Variants in AHCYL2 observed in about 807,000 individuals in gnomAD.
The protein encoded by AHCYL2 is S-adenosylhomocysteine hydrolase-like protein 2.
Under a neutral mutation model 81.4 loss-of-function variants are expected in AHCYL2, and 28 were observed. The ratio of observed to expected loss-of-function variants is 0.34; its 90% CI spans 0.25 to 0.47. AHCYL2 has a LOEUF of 0.47. Ranked by LOEUF, AHCYL2 falls within the 20% of genes least tolerant of loss-of-function variation. The pLI is 1.00. For synonymous variants in AHCYL2, 272 were observed against 290.2 expected, an observed-to-expected ratio of 0.94 and a Z score of 0.64; for missense variants, 551 against 785.1, an observed-to-expected ratio of 0.70 and a Z score of 3.56.
chr7:129,323,605 C>G (rs1798113624), intron 1 of AHCYL2, among the ~76,000 whole-genome samples: 1 of 150,410 alleles, frequency 6.6e-6, no homozygotes, highest in Non-Finnish European at 1.5e-5. Flanking sequence ...TCTTCTGTAT[C>G]TTTCCTGCTT....
intron 1 of AHCYL2, among the ~76,000 whole-genome samples, chr7:129,281,094 A>C (rs1013492522): frequency 6.6e-6 from 1 of 151,794 alleles, no homozygotes; most frequent in Admixed American, 6.6e-5. Context: ...CGATCTCCTG[A>C]CCTCATGATC....
intron 12 of AHCYL2, among the ~76,000 whole-genome samples, chr7:129,417,720 G>A (rs1356849172): frequency 6.6e-6 from 1 of 152,130 alleles, no homozygotes; most frequent in Non-Finnish European, 1.5e-5. Context: ...GAAATTCAAG[G>A]AAATATCAAA....
chr7:129,408,744 G>A (rs113055120), intron 10 of AHCYL2, among the ~76,000 whole-genome samples: 1 of 152,146 alleles, frequency 6.6e-6, no homozygotes, highest in East Asian at 1.9e-4. Flanking sequence ...ATAGAGAAAA[G>A]AATAAAGGCA....
chr7:129,264,581 A>G (rs902409419), intron 1 of AHCYL2, among the ~76,000 whole-genome samples: 2 of 152,244 alleles, frequency 1.3e-5, no homozygotes, highest in Admixed American at 1.3e-4. Flanking sequence ...AAGCAAGCTA[A>G]AAAGAAGTCA....
At chr7:129,242,489 G>A (rs1794897261) in intron 1 of AHCYL2, among the ~76,000 whole-genome samples, 1 of 152,096 alleles carries the variant, frequency 6.6e-6, no homozygotes, top group Non-Finnish European at 1.5e-5. Context: ...AGGCCAAGGG[G>A]GGCGGATCAC....
intron 1 of AHCYL2, among the ~76,000 whole-genome samples, chr7:129,342,700 G>GTCTT (rs1793226899): frequency 6.6e-6 from 1 of 152,150 alleles, no homozygotes; most frequent in African/African-American, 2.4e-5. Context: ...CAAAGTGGTA[G>GTCTT]ACCTTATTTT....
In AHCYL2 at chr7:129,389,345, CACTG is replaced by C. The variant is rs889560152; in HGVS notation, c.619+147_619+150del. The C allele has an allele frequency of 4.9e-6, 4 of 813,580 alleles. No homozygotes were observed. In the African/African-American group the frequency reaches 8.3e-5, roughly 17 times the overall value. The allele number at this position is 813,580 out of a possible 1,614,324, so 50.4% of individuals were successfully genotyped here. On this transcript the variant is annotated intron_variant, in intron 3 of 16. Coordinates refer to ENST00000325006, the MANE Select transcript of AHCYL2 (RefSeq NM_015328.4). ...ACAAAAGAAATGTGAGTTCAAGAAA[CACTG>C]GGGAAATCTGGCAAGTCTAGAAGGA...
chr7:129,268,274 G>T (rs1169617734), intron 1 of AHCYL2, among the ~76,000 whole-genome samples: 1 of 152,172 alleles, frequency 6.6e-6, no homozygotes, highest in African/African-American at 2.4e-5. Flanking sequence ...ACCAGGTTTT[G>T]GAAAGATCAA....
intron 1 of AHCYL2, among the ~76,000 whole-genome samples, chr7:129,288,772 A>T (rs1240583023): frequency 6.6e-6 from 1 of 151,820 alleles, no homozygotes; most frequent in African/African-American, 2.4e-5. Flanking sequence ...TTATCTATTT[A>T]TTATTATTAT....
At chr7:129,235,023 C>T (rs997093314) in intron 1 of AHCYL2, among the ~76,000 whole-genome samples, 1 of 152,196 alleles carries the variant, frequency 6.6e-6, no homozygotes, top group Non-Finnish European at 1.5e-5. Flanking sequence ...AATTCCTTAA[C>T]TCACTCCTGC....
At chr7:129,329,111 C>T (rs897721775) in intron 1 of AHCYL2, among the ~76,000 whole-genome samples, 1 of 152,202 alleles carries the variant, frequency 6.6e-6, no homozygotes, top group East Asian at 1.9e-4. Flanking sequence ...AAAAGAATTA[C>T]AACCAAATGC....
Position 129,389,089 on chromosome 7 carries a change from C to T in AHCYL2, c.509C>T (p.Thr170Ile). 1 of 1,613,664 alleles carries T rather than the reference C, an allele frequency of 6.2e-7. No individual in the cohort carries two copies. Among genetic ancestry groups the T allele is most frequent in the South Asian group, 1.1e-5 (1 of 91,060 alleles). The stretch of plus-strand genomic sequence containing the variant: ...TATACAGATAGCTCTGATGATGAGA[C>T]ATCGCCCAGGGACAAGCAGCAAAAG... ...ASYTDSSDDETSPRDKQQKNS... is the reference protein window; with the variant it reads ...ASYTDSSDDEISPRDKQQKNS... Residue 170 changes from threonine (T) to isoleucine (I), a missense_variant, in exon 3 of 17, where the codon ACA becomes ATA. By Grantham distance (89) the Thr-to-Ile change is moderately conservative (BLOSUM62 -1). Transcript: ENST00000325006.
Position 129,248,265 on chromosome 7 carries a change from C to T in AHCYL2, c.363+22826C>T, listed in dbSNP as rs116188932. Reference sequence around the variant, plus strand: ...GTAGCTTTATTGTAAGTACAGTTATCCCTTGGTTTCCTTGGGGAATTGGTT... The same window carrying T: ...GTAGCTTTATTGTAAGTACAGTTATTCCTTGGTTTCCTTGGGGAATTGGTT... On this transcript the variant is annotated intron_variant, in intron 1 of 16. Transcript: ENST00000325006. Among the ~76,000 whole-genome samples, 663 of 152,254 alleles carry T rather than the reference C, an allele frequency of 4.4e-3. 9 individuals are homozygous for T. Among genetic ancestry groups the T allele is most frequent in the African/African-American group, 0.015 (630 of 41,554 alleles).
intron 1 of AHCYL2, among the ~76,000 whole-genome samples, chr7:129,286,585 C>T (rs1371291752): frequency 2.6e-5 from 4 of 152,208 alleles, no homozygotes; most frequent in African/African-American, 4.8e-5. Flanking sequence ...CTCAGCCTCC[C>T]GAGTAGCTGG....
intron 2 of AHCYL2, among the ~76,000 whole-genome samples, chr7:129,381,946 GT>G (rs966840803): frequency 6.6e-6 from 1 of 152,050 alleles, no homozygotes; most frequent in African/African-American, 2.4e-5. Context: ...ACCTTGTTTT[GT>G]TTTTTGTTTC....
At chr7:129,284,372 C>T (rs760738694) in intron 1 of AHCYL2, among the ~76,000 whole-genome samples, 3 of 151,758 alleles carry the variant, frequency 2.0e-5, no homozygotes, top group East Asian at 1.9e-4. Flanking sequence ...CTGAGGTGGG[C>T]GGATCACCTA....
chr7:129,271,770 G>A (rs909876397), intron 1 of AHCYL2, among the ~76,000 whole-genome samples: 1 of 152,108 alleles, frequency 6.6e-6, no homozygotes, highest in African/African-American at 2.4e-5. Context: ...GAAAAGATAG[G>A]ATAAATAGAA....
chr7:129,343,829 A>G (rs1793270411), intron 1 of AHCYL2, among the ~76,000 whole-genome samples: 1 of 152,216 alleles, frequency 6.6e-6, no homozygotes, highest in Non-Finnish European at 1.5e-5. Flanking sequence ...ACTTCTATTC[A>G]AAAGACACAG....
Position 129,406,394 on chromosome 7 carries a change from G to T in AHCYL2, c.1223G>T (p.Cys408Phe). The T allele has an allele frequency of 6.2e-7, 1 of 1,614,058 alleles. No homozygotes were observed. Among genetic ancestry groups the T allele is most frequent in the Non-Finnish European group, 8.5e-7 (1 of 1,179,972 alleles). Residue 408 changes from cysteine (C) to phenylalanine (F), a missense_variant, in exon 10 of 17, where the codon TGT becomes TTT. Around this residue, in one of 2 missense-constraint regions of AHCYL2, gnomAD observed 316 missense variants for 543.1 expected, o/e 0.58. Transcript: ENST00000325006. The surrounding 1 kb of genome is among the most constrained non-coding windows in gnomAD (Gnocchi z 4.3). ...CCTCTTCAGGTGGGGAAAGGGTGCTGTGCTGCCCTGAAAGCCATGGGCTCC... is the reference window on the plus strand; with the variant it reads ...CCTCTTCAGGTGGGGAAAGGGTGCTTTGCTGCCCTGAAAGCCATGGGCTCC... The part of the protein sequence containing the change: ...CGYGEVGKGC[C>F]AALKAMGSIV...
Sources: allele counts gnomAD v4.1 joint callset (sites outside exome capture counted in the v4.1 genomes callset), GRCh38; gene constraint gnomAD v4.1.1; regional missense constraint gnomAD v4.1.1; non-coding constraint Gnocchi (gnomAD v3.1); transcripts MANE v1.5; gene names NCBI Gene and HGNC (gene_info 2026-07-23, HGNC 2026-07-21).